The following DAPK1 variants were observed in gnomAD, a reference collection of about 807,000 sequenced individuals.
DAPK1 encodes the protein death-associated protein kinase 1.
A neutral mutation model predicts 144.9 loss-of-function variants in DAPK1; 56 were observed. The observed-to-expected ratio is 0.39, with a 90% confidence interval of 0.31 to 0.48. The LOEUF is 0.48. DAPK1 is among the 20% of genes least tolerant of loss of function. DAPK1 has a pLI of 0.95. For missense variants in DAPK1, 1,454 were observed against 1,875.4 expected (o/e 0.78, Z 4.15); for synonymous variants, 690 against 749.0 (o/e 0.92, Z 1.29).
intron 3 of DAPK1, among the ~76,000 whole-genome samples, chr9:87,623,218 C>T (rs1015866652): frequency 1.3e-5 from 2 of 152,202 alleles, no homozygotes; most frequent in Admixed American, 1.3e-4. Flanking sequence ...ATTTTCTTTT[C>T]ACCAATCCAG....
chr9:87,667,682 G>T (rs908468270), intron 18 of DAPK1: 4 of 151,550 alleles, frequency 2.6e-5, no homozygotes, highest in African/African-American at 9.7e-5. Flanking sequence ...GATACACATT[G>T]ATAGATAAAC....
At chr9:87,638,415 C>G (rs1182089741) in intron 4 of DAPK1, among the ~76,000 whole-genome samples, 1 of 152,154 alleles carries the variant, frequency 6.6e-6, no homozygotes, top group African/African-American at 2.4e-5. Flanking sequence ...TGGCTCTGGG[C>G]ATGTTAAGAT....
At chr9:87,513,953 G>C (rs908501841) in intron 2 of DAPK1, among the ~76,000 whole-genome samples, 1 of 152,166 alleles carries the variant, frequency 6.6e-6, no homozygotes, top group Non-Finnish European at 1.5e-5. Flanking sequence ...TTTATAATAG[G>C]ATGTTTAGCA....
chr9:87,507,932 T>C (rs1794619208), intron 2 of DAPK1, among the ~76,000 whole-genome samples: 1 of 152,230 alleles, frequency 6.6e-6, no homozygotes, highest in Non-Finnish European at 1.5e-5. Flanking sequence ...ATATTATAAA[T>C]TTTCACCTAC....
At chr9:87,631,061 T>C (rs926013630) in intron 3 of DAPK1, among the ~76,000 whole-genome samples, 1 of 152,182 alleles carries the variant, frequency 6.6e-6, no homozygotes, top group African/African-American at 2.4e-5. Flanking sequence ...CTGGCGCCTC[T>C]GCCTCCCAGG....
intron 2 of DAPK1, among the ~76,000 whole-genome samples, chr9:87,510,295 C>G (rs551364273): frequency 5.5e-4 from 84 of 152,222 alleles, no homozygotes; most frequent in African/African-American, 1.9e-3. Context: ...TGAGTAGATC[C>G]TGTTTTAAGA....
intron 2 of DAPK1, among the ~76,000 whole-genome samples, chr9:87,508,203 G>A (rs1406857113): frequency 6.6e-6 from 1 of 151,702 alleles, no homozygotes; most frequent in East Asian, 1.9e-4. Flanking sequence ...GTAGAGACGG[G>A]GTTTCACCAT....
intron 2 of DAPK1, among the ~76,000 whole-genome samples, chr9:87,531,321 G>A (rs4878094): frequency 0.75 from 114,418 of 152,048 alleles, 43,366 homozygotes; most frequent in Middle Eastern, 0.81. Context: ...AGGCCTGGTC[G>A]TTCAAAGAAG....
intron 2 of DAPK1, among the ~76,000 whole-genome samples, chr9:87,523,359 C>T (rs373199911): frequency 9.2e-5 from 14 of 152,284 alleles, no homozygotes; most frequent in African/African-American, 3.4e-4. Flanking sequence ...TGCAGTGGCA[C>T]AATCATGGCT....
At chr9:87,515,663 G>GT (rs1324849075) in intron 2 of DAPK1, among the ~76,000 whole-genome samples, 1 of 152,164 alleles carries the variant, frequency 6.6e-6, no homozygotes, top group East Asian at 1.9e-4. Flanking sequence ...TACCCACCTG[G>GT]TGGGGATATT....
chr9:87,653,883 A>T, intron 17 of DAPK1, among the ~76,000 whole-genome samples: 1 of 151,882 alleles, frequency 6.6e-6, no homozygotes, highest in Non-Finnish European at 1.5e-5. Context: ...TAGTAGAGAC[A>T]GGGTTTCACC....
chr9:87,706,044 C>A lies in DAPK1; in HGVS notation c.3061-88C>A. The A allele has an allele frequency of 4.2e-6, 4 of 945,946 alleles. No individual in the cohort carries two copies. Among genetic ancestry groups the A allele is most frequent in the African/African-American group, 1.6e-5 (1 of 60,990 alleles). 58.6% of individuals were successfully genotyped at this position (945,946 alleles called of 1,614,324 possible). ...AGAGCATCTGCTCAGCCTCTGTTGC[C>A]GGCATCAGGCCCTTTAGTGCTCTAA... On this transcript the variant is annotated intron_variant, in intron 25 of 25. Transcript: ENST00000408954. The surrounding 1 kb of genome is among the most constrained non-coding windows in gnomAD (Gnocchi z 9.0).
chr9:87,498,172 C>T, intron 1 of DAPK1, 65 bp downstream of exon 1: 3 of 396,980 alleles, frequency 7.6e-6, no homozygotes, highest in African/African-American at 2.1e-5. Context: ...CTTTCCCAGC[C>T]AGGGCGCGGT....
chr9:87,568,639 C>T (rs953387619), intron 2 of DAPK1, among the ~76,000 whole-genome samples: 1 of 152,180 alleles, frequency 6.6e-6, no homozygotes, highest in African/African-American at 2.4e-5. Context: ...CCTCCTCCGT[C>T]CTCTCTGCAC....
intron 4 of DAPK1, 67 bp from the exon 5 acceptor site, chr9:87,639,287 T>C: frequency 2.4e-6 from 3 of 1,235,582 alleles, no homozygotes; most frequent in South Asian, 1.7e-5. Flanking sequence ...AGAGAAGAAC[T>C]ATTCTGCCAT....
chr9:87,562,109 G>C (rs986530496), intron 2 of DAPK1, among the ~76,000 whole-genome samples: 3 of 152,204 alleles, frequency 2.0e-5, no homozygotes, highest in East Asian at 1.9e-4. Context: ...AGAGGGAAGG[G>C]GGTTGTGCAG....
At chr9:87,619,979 C>A (rs1829231194) in intron 3 of DAPK1, among the ~76,000 whole-genome samples, 1 of 152,216 alleles carries the variant, frequency 6.6e-6, no homozygotes, top group South Asian at 2.1e-4. Flanking sequence ...ATGGCACTCA[C>A]CCCAATCTTA....
chr9:87,677,891 G>T (rs541785041), intron 19 of DAPK1, among the ~76,000 whole-genome samples: 1 of 152,278 alleles, frequency 6.6e-6, no homozygotes, highest in Non-Finnish European at 1.5e-5. Flanking sequence ...GCGGCAGCAT[G>T]GGCGCACCTG....
intron 2 of DAPK1, 181 bp downstream of exon 2, chr9:87,499,320 G>T (rs1824311003): frequency 3.3e-6 from 2 of 607,218 alleles, no homozygotes; most frequent in South Asian, 2.0e-5. Context: ...AGGGCCTGGG[G>T]GTGGAGGAGA....
Sources: allele counts gnomAD v4.1 joint callset (sites outside exome capture counted in the v4.1 genomes callset), GRCh38; gene constraint gnomAD v4.1.1; non-coding constraint Gnocchi (gnomAD v3.1); transcripts MANE v1.5; gene names NCBI Gene and HGNC (gene_info 2026-07-23, HGNC 2026-07-21).